The following CLDN11 variants were observed in gnomAD, a reference collection of about 807,000 sequenced individuals.
The protein encoded by CLDN11 is claudin-11.
CLDN11 carries 1 observed loss-of-function variant against 18.0 expected under a neutral mutation model. That is an observed-to-expected ratio of 0.06 (90% CI 0.02 to 0.26). CLDN11 has a LOEUF of 0.26. Among genes scored for constraint, CLDN11 ranks in the 10% least tolerant of loss-of-function variants. The probability of loss-of-function intolerance (pLI) is 1.00; values close to 1 mark genes in which losing one functional copy is unlikely to be tolerated. For synonymous variants in CLDN11, 116 were observed against 121.5 expected (o/e 0.96, Z 0.30); for missense variants, 172 against 276.6 (o/e 0.62, Z 2.68).
chr3:170,423,459 C>A, intron 2 of CLDN11, 132 bp downstream of exon 2: 1 of 888,696 alleles, frequency 1.1e-6, no homozygotes. Flanking sequence ...GGATGGACTC[C>A]CACAATCTGT....
chr3:170,429,065 A>C (rs556264320), intron 2 of CLDN11, among the ~76,000 whole-genome samples: 1 of 152,362 alleles, frequency 6.6e-6, no homozygotes, highest in South Asian at 2.1e-4. Context: ...AAAGTTAAGT[A>C]ATGATTTGTC....
rs771086183 is a variant in CLDN11, at chr3:170,432,713, C to T, written c.581C>T (p.Ala194Val). Residue 194 changes from alanine to valine, a missense_variant, in exon 3 of 3, where the codon GCG (alanine) becomes GTG (valine). Ala to Val is a moderately conservative substitution (Grantham distance 64). This residue lies in a region of CLDN11 where 161 missense variants were observed against 240.3 expected (regional missense o/e 0.67). Transcript: ENST00000064724. ...GGTGAAAACCGTTTCTACTACACTG[C>T]GGGCTCTAGCTCCCCGACTCATGCG... Reference protein sequence around the residue: ...AFGENRFYYTAGSSSPTHAKS... With the variant: ...AFGENRFYYTVGSSSPTHAKS... 7 of 1,614,202 alleles carry T rather than the reference C, an allele frequency of 4.3e-6. No individual in the cohort carries two copies. The highest frequency in any genetic ancestry group is 1.1e-5 in the South Asian group (1 of 91,088).
intron 2 of CLDN11, among the ~76,000 whole-genome samples, chr3:170,431,608 TA>T (rs1560236133): frequency 6.6e-6 from 1 of 152,030 alleles, no homozygotes; most frequent in Non-Finnish European, 1.5e-5. Flanking sequence ...TTGAAAAAAG[TA>T]AAAAAAAGTC....
chr3:170,421,177 A>T, intron 1 of CLDN11: 2 of 438,480 alleles, frequency 4.6e-6, no homozygotes, highest in Non-Finnish European at 6.0e-6. Context: ...GGGCGGCGCT[A>T]GTCCTTCCTG....
chr3:170,424,424 G>A (rs1738798401), intron 2 of CLDN11, among the ~76,000 whole-genome samples: 1 of 152,156 alleles, frequency 6.6e-6, no homozygotes, highest in Admixed American at 6.5e-5. Flanking sequence ...CCAGGGACAG[G>A]AAATGGCATG....
rs767563573 is a variant in CLDN11 at position 170,433,662 on chromosome 3, A to G, written c.*906A>G. 1 of 152,526 alleles carries G rather than the reference A, an allele frequency of 6.6e-6. No homozygotes were observed. The highest frequency in any genetic ancestry group is 1.5e-5 in the Non-Finnish European group (1 of 67,994). The allele number at this position is 152,526 out of a possible 1,614,324, so 9.4% of individuals were successfully genotyped here. ...GATATTTTTTAGTTTGTGATTTTACATTTATCTGTACATACTTTTTCAAGA... is the reference window on the plus strand; with the variant it reads ...GATATTTTTTAGTTTGTGATTTTACGTTTATCTGTACATACTTTTTCAAGA... On this transcript the variant is annotated 3_prime_UTR_variant, in exon 3 of 3. Transcript: ENST00000064724.
chr3:170,432,233 G>A (rs1037494687), intron 2 of CLDN11, among the ~76,000 whole-genome samples: 1 of 152,194 alleles, frequency 6.6e-6, no homozygotes, highest in Non-Finnish European at 1.5e-5. Context: ...TGATATACAA[G>A]TAAATACAAA....
chr3:170,431,070 C>G (rs1176192064), intron 2 of CLDN11, among the ~76,000 whole-genome samples: 3 of 152,024 alleles, frequency 2.0e-5, no homozygotes, highest in African/African-American at 7.3e-5. Context: ...ATGTTACAAG[C>G]AACACAAATG....
chr3:170,419,382 G>A lies in CLDN11; in HGVS notation c.226+90G>A, dbSNP rs1738665800. ...GACGGCGTCACAGAGACATTTTGGG[G>A]GCTTGAAGACCTTTGGGTACGTTTT... On this transcript the variant is annotated intron_variant, in intron 1 of 2. Transcript: ENST00000064724. The surrounding 1 kb of genome is among the most constrained non-coding windows in gnomAD (Gnocchi z 8.6). 1 of 936,632 alleles carries A rather than the reference G, an allele frequency of 1.1e-6. No individual in the cohort carries two copies. The highest frequency in any genetic ancestry group is 1.6e-6 in the Non-Finnish European group (1 of 627,990). 58.0% of individuals were successfully genotyped at this position (936,632 alleles called of 1,614,324 possible). A position where few individuals can be genotyped will look rare whatever the true frequency, so the allele number is the denominator to read the frequency against.
chr3:170,427,489 C>T (rs1299940693), intron 2 of CLDN11, among the ~76,000 whole-genome samples: 4 of 152,036 alleles, frequency 2.6e-5, no homozygotes, highest in Admixed American at 2.0e-4. Context: ...GGCATGGTGG[C>T]ACACGCCTGT....
chr3:170,421,597 G>A (rs1206666957), intron 1 of CLDN11, among the ~76,000 whole-genome samples: 1 of 152,180 alleles, frequency 6.6e-6, no homozygotes, highest in African/African-American at 2.4e-5. Flanking sequence ...TGAGGCAGAT[G>A]TCGGCTAGAT....
At position 170,431,290 on chromosome 3, in the gene CLDN11, G is replaced by A. The variant is rs1215001950; in HGVS notation, c.392-1234G>A. On this transcript the variant is annotated intron_variant, in intron 2 of 2. Transcript: ENST00000064724. The stretch of plus-strand genomic sequence containing the variant: ...GAAAGTGATAACGGTACCCCTGGTG[G>A]CAAACATCAGACTGGCAGTGCAGTA... Among the ~76,000 whole-genome samples, 3 of 152,180 alleles carry A rather than the reference G, an allele frequency of 2.0e-5. No homozygotes were observed. In the East Asian group the frequency reaches 5.8e-4, roughly 29 times the overall value.
Position 170,432,750 on chromosome 3 carries a change from C to T in CLDN11, c.618C>T (p.His206=), listed in dbSNP as rs200665065. The change falls in exon 3 of 3, where the codon CAC becomes CAT. Residue 206 remains histidine (H), a synonymous_variant. Coordinates refer to ENST00000064724, the MANE Select transcript of CLDN11 (RefSeq NM_005602.6). The part of the protein sequence containing the change: ...SSSPTHAKSA[H]V ...CCCCGACTCATGCGAAGAGTGCCCA[C>T]GTATAAGAGGGCTGCCCGGCTGCCC... The T allele has an allele frequency of 2.8e-5, 45 of 1,614,142 alleles. No homozygotes were observed. The highest frequency in any genetic ancestry group is 5.5e-5 in the South Asian group (5 of 91,090).
intron 2 of CLDN11, among the ~76,000 whole-genome samples, chr3:170,427,928 G>A (rs1316124322): frequency 6.6e-6 from 1 of 151,878 alleles, no homozygotes; most frequent in Non-Finnish European, 1.5e-5. Context: ...AGGCAGACGC[G>A]GGCAGATTGC....
At chr3:170,430,749 T>C (rs1212844647) in intron 2 of CLDN11, among the ~76,000 whole-genome samples, 1 of 151,798 alleles carries the variant, frequency 6.6e-6, no homozygotes, top group Non-Finnish European at 1.5e-5. Flanking sequence ...TTTTGCCATG[T>C]TGGCCAGGCT....
chr3:170,424,022 C>CT (rs1738782615), intron 2 of CLDN11, among the ~76,000 whole-genome samples: 1 of 26,556 alleles, frequency 3.8e-5, no homozygotes, highest in Non-Finnish European at 9.0e-5. Flanking sequence ...GAGTGCAACT[C>CT]CAAAAAAAAA....
In CLDN11 at chr3:170,434,433, T is replaced by C. The variant is rs1052227848; in HGVS notation, c.*1677T>C. ...CTACTTCTAACACTTAGTAAAGGAA[T>C]TGATTGGCTAGGTATAAAAAGAGAA... is the stretch of plus-strand genomic sequence containing the variant. On this transcript the variant is annotated 3_prime_UTR_variant, in exon 3 of 3. Transcript: ENST00000064724. Among the ~76,000 whole-genome samples, 67 of 152,352 alleles carry C rather than the reference T, an allele frequency of 4.4e-4. No homozygotes were observed. The highest frequency in any genetic ancestry group is 1.6e-3 in the African/African-American group (65 of 41,592).
Position 170,434,169 on chromosome 3 carries a change from T to C in CLDN11, c.*1413T>C, listed in dbSNP as rs906485701. On this transcript the variant is annotated 3_prime_UTR_variant, in exon 3 of 3. Transcript: ENST00000064724. ...TTAAAAAAATCTCATTAATCTCTAC[T>C]GGTAATTTATAGGGAATCTGATCAG... The C allele has an allele frequency of 2.0e-5, 3 of 152,668 alleles. No individual in the cohort carries two copies. Among genetic ancestry groups the C allele is most frequent in the Admixed American group, 6.5e-5 (1 of 15,292 alleles). The allele number at this position is 152,668 out of a possible 1,614,324, so 9.5% of individuals were successfully genotyped here.
intron 1 of CLDN11, chr3:170,421,240 A>C: frequency 1.0e-6 from 1 of 982,536 alleles, no homozygotes; most frequent in Non-Finnish European, 1.2e-6. Flanking sequence ...CTCTGTCCCT[A>C]TCTTTTGGTG....
Sources: gnomAD v4.1 joint callset for allele counts (sites outside exome capture counted in the v4.1 genomes callset) on GRCh38, gnomAD v4.1.1 for gene constraint, gnomAD v4.1.1 regional missense constraint, Gnocchi (gnomAD v3.1) non-coding constraint, MANE v1.5 for transcripts, NCBI Gene and HGNC (gene_info 2026-07-23, HGNC 2026-07-21) for gene names.